The following PPP2R2B variants were observed in gnomAD, a reference collection of about 807,000 sequenced individuals.
PPP2R2B encodes protein phosphatase 2 regulatory subunit Bbeta, also known as serine/threonine-protein phosphatase 2A 55 kDa regulatory subunit B beta isoform.
Under a neutral mutation model 46.0 loss-of-function variants are expected in PPP2R2B, and 5 were observed. That is an observed-to-expected ratio of 0.11 (90% CI 0.06 to 0.23). PPP2R2B has a LOEUF of 0.23. Ranked by LOEUF, PPP2R2B falls within the 10% of genes least tolerant of loss-of-function variation. The probability of loss-of-function intolerance (pLI) is 1.00; values close to 1 mark genes in which losing one functional copy is unlikely to be tolerated. For missense variants in PPP2R2B, 367 were observed against 575.0 expected (o/e 0.64, Z 3.70); for synonymous variants, 215 against 206.7 (o/e 1.04, Z -0.34).
At chr5:146,755,472 G>A (rs1469511112) in intron 2 of PPP2R2B, among the ~76,000 whole-genome samples, 1 of 152,054 alleles carries the variant, frequency 6.6e-6, no homozygotes, top group East Asian at 1.9e-4. Flanking sequence ...AATCACCTTA[G>A]CATAAGTCAT....
intron 5 of PPP2R2B, among the ~76,000 whole-genome samples, chr5:146,655,071 G>A (rs1776233331): frequency 6.6e-6 from 1 of 152,152 alleles, no homozygotes; most frequent in African/African-American, 2.4e-5. Context: ...CCTGTCTGCA[G>A]GTGGTTCTGT....
intron 4 of PPP2R2B, among the ~76,000 whole-genome samples, chr5:146,694,640 C>G (rs1172417814): frequency 6.6e-6 from 1 of 152,014 alleles, no homozygotes; most frequent in Admixed American, 6.6e-5. Context: ...GGGGAGAATA[C>G]AAATCTGTAA....
chr5:146,982,626 G>T (rs1222035878), intron 1 of PPP2R2B, among the ~76,000 whole-genome samples: 1 of 152,042 alleles, frequency 6.6e-6, no homozygotes, highest in Non-Finnish European at 1.5e-5. Flanking sequence ...TGTTAAAAAG[G>T]GGTTGTCGAA....
chr5:146,583,274 G>A lies in PPP2R2B; in HGVS notation c.*6673C>T, dbSNP rs1769987575. 1 of 152,256 alleles carries A rather than the reference G, an allele frequency of 6.6e-6. No homozygotes were observed. Among genetic ancestry groups the A allele is most frequent in the African/African-American group, 2.4e-5 (1 of 41,540 alleles). The allele number at this position is 152,256 out of a possible 1,614,324, so 9.4% of individuals were successfully genotyped here. On this transcript the variant is annotated 3_prime_UTR_variant, in exon 10 of 10. Transcript: ENST00000394411. ...CTGGCACCCAGACACATCCATCATAGTGCATATGTTTTATAGGATTAGCAG... is the reference window on the plus strand; with the variant it reads ...CTGGCACCCAGACACATCCATCATAATGCATATGTTTTATAGGATTAGCAG...
chr5:147,022,431 T>C (rs909390573), intron 1 of PPP2R2B, among the ~76,000 whole-genome samples: 2 of 151,588 alleles, frequency 1.3e-5, no homozygotes, highest in Non-Finnish European at 2.9e-5. Flanking sequence ...TGTGGTAGCA[T>C]GCACCTTAGT....
intron 5 of PPP2R2B, among the ~76,000 whole-genome samples, chr5:146,659,144 A>T (rs1169577882): frequency 6.6e-6 from 1 of 152,210 alleles, no homozygotes; most frequent in African/African-American, 2.4e-5. Flanking sequence ...ATTTGTTCAC[A>T]TATTCTTTTA....
At chr5:146,999,587 G>A (rs1754072128) in intron 1 of PPP2R2B, among the ~76,000 whole-genome samples, 1 of 152,082 alleles carries the variant, frequency 6.6e-6, no homozygotes, top group Non-Finnish European at 1.5e-5. Flanking sequence ...TCCCTCTCAG[G>A]GGACCTTATG....
intron 7 of PPP2R2B, among the ~76,000 whole-genome samples, chr5:146,630,706 A>C (rs1297192338): frequency 6.6e-6 from 1 of 152,184 alleles, no homozygotes; most frequent in Admixed American, 6.5e-5. Flanking sequence ...TGTTGACATT[A>C]CTACTTTTAT....
At position 146,924,197 on chromosome 5, in the gene PPP2R2B, C is replaced by A. The variant is rs1042629058; in HGVS notation, c.79+131468G>T. Among the ~76,000 whole-genome samples, 6 of 152,140 alleles carry A rather than the reference C, an allele frequency of 3.9e-5. 1 individual carries two copies. The highest frequency in any genetic ancestry group is 3.3e-4 in the Admixed American group (5 of 15,262). ...GACACAAGTTTATCTATGTAACAAA[C>A]CTGCACTTGTACCTGTGAACTTAAA... On this transcript the variant is annotated intron_variant, in intron 1 of 8. Transcript: ENST00000336640.
chr5:146,773,714 T>C (rs1660942076), intron 2 of PPP2R2B, among the ~76,000 whole-genome samples: 1 of 152,184 alleles, frequency 6.6e-6, no homozygotes, highest in African/African-American at 2.4e-5. Context: ...TTTCTGCATG[T>C]TTAAATTAAG....
At chr5:146,779,827 T>C (rs57213493) in intron 2 of PPP2R2B, among the ~76,000 whole-genome samples, 1,664 of 152,186 alleles carry the variant, frequency 0.011, 37 homozygotes, top group African/African-American at 0.038. Context: ...CTCCCTTCTG[T>C]TCAGTTTAAT....
intron 2 of PPP2R2B, among the ~76,000 whole-genome samples, chr5:146,877,150 C>A (rs319213): frequency 0.024 from 3,637 of 152,188 alleles, 164 homozygotes; most frequent in African/African-American, 0.083. Flanking sequence ...AAAAATGCCT[C>A]TACTCTCTAT....
chr5:146,599,520 T>G (rs1347820640), intron 8 of PPP2R2B, among the ~76,000 whole-genome samples: 1 of 152,330 alleles, frequency 6.6e-6, no homozygotes, highest in African/African-American at 2.4e-5. Flanking sequence ...TACTGTATAT[T>G]ACCAGGGCCT....
At chr5:146,833,748 A>G (rs534600008) in intron 2 of PPP2R2B, among the ~76,000 whole-genome samples, 22 of 85,170 alleles carry the variant, frequency 2.6e-4, no homozygotes, top group Admixed American at 2.5e-3. Context: ...TCCCCATCCC[A>G]TCCTCCTCCC....
At chr5:146,980,084 A>G (rs1419828754) in intron 1 of PPP2R2B, among the ~76,000 whole-genome samples, 1 of 152,138 alleles carries the variant, frequency 6.6e-6, no homozygotes, top group East Asian at 1.9e-4. Flanking sequence ...GGTGAGATAG[A>G]TTTATATTTA....
At chr5:146,875,546 C>G (rs548852315) in intron 2 of PPP2R2B, among the ~76,000 whole-genome samples, 1 of 152,196 alleles carries the variant, frequency 6.6e-6, no homozygotes, top group South Asian at 2.1e-4. Flanking sequence ...AAAAACCTTT[C>G]AGCTTTAAAT....
chr5:146,955,807 C>G (rs968399279), intron 1 of PPP2R2B, among the ~76,000 whole-genome samples: 3 of 121,704 alleles, frequency 2.5e-5, no homozygotes, highest in Non-Finnish European at 4.8e-5. Flanking sequence ...GAGACAGAGT[C>G]TTGCTCTGTC....
intron 1 of PPP2R2B, among the ~76,000 whole-genome samples, chr5:146,904,506 G>A (rs997151836): frequency 1.6e-4 from 24 of 152,156 alleles, no homozygotes; most frequent in African/African-American, 5.8e-4. Context: ...AATTCCACAG[G>A]CAGTATTGGG....
chr5:146,707,599 G>GGTGGAGGCAGGA, intron 2 of PPP2R2B: 1 of 665,214 alleles, frequency 1.5e-6, no homozygotes, highest in South Asian at 1.7e-5. Context: ...TGATGGACAT[G>GGTGGAGGCAGGA]GTGGAGGCAG....
Sources: allele counts gnomAD v4.1 joint callset (sites outside exome capture counted in the v4.1 genomes callset), GRCh38; gene constraint gnomAD v4.1.1; transcripts MANE v1.5; gene names NCBI Gene and HGNC (gene_info 2026-07-23, HGNC 2026-07-21).